The following NOSTRIN variants were observed in gnomAD, a reference collection of about 807,000 sequenced individuals.
The protein encoded by NOSTRIN is BM247 homolog.
Under a neutral mutation model 59.0 loss-of-function variants are expected in NOSTRIN, and 63 were observed. The observed-to-expected ratio is 1.07, with a 90% CI of 0.87 to 1.32. The LOEUF is 1.32. Among genes scored for constraint, NOSTRIN ranks in the 40% most tolerant of loss-of-function variants. NOSTRIN has a pLI of 0.00. For synonymous variants in NOSTRIN, 200 were observed against 165.4 expected (o/e 1.21, Z -1.61); for missense variants, 512 against 473.1 (o/e 1.08, Z -0.76).
At chr2:168,829,601 A>G (rs1457411864) in intron 5 of NOSTRIN, among the ~76,000 whole-genome samples, 1 of 152,232 alleles carries the variant, frequency 6.6e-6, no homozygotes, top group African/African-American at 2.4e-5. Flanking sequence ...GATTACAGGC[A>G]TGAGCCACTG....
At position 168,802,793 on chromosome 2, in the gene NOSTRIN, T is replaced by C. The variant is rs994981944; in HGVS notation, c.27+120T>C. ...CTCAGAAACCAAACACATTTAGATA[T>C]TGGCTGTGGTGCAAAAGTTTGTGGT... On this transcript the variant is annotated intron_variant, in intron 1 of 15. Coordinates refer to ENST00000317647, the MANE Select transcript of NOSTRIN (RefSeq NM_001039724.4). 14 of 772,530 alleles carry C rather than the reference T, an allele frequency of 1.8e-5. No individual in the cohort carries two copies. In the Admixed American group the frequency reaches 2.3e-4, roughly 12 times the overall value. 47.9% of individuals were successfully genotyped at this position (772,530 alleles called of 1,614,324 possible).
chr2:168,793,908 A>G (rs1685418769), upstream of NOSTRIN, among the ~76,000 whole-genome samples: 1 of 152,238 alleles, frequency 6.6e-6, no homozygotes, highest in South Asian at 2.1e-4. Context: ...AAGTGTGACT[A>G]TCTCTTACCA....
chr2:168,800,512 G>A (rs1006594928), upstream of NOSTRIN, among the ~76,000 whole-genome samples: 7 of 152,142 alleles, frequency 4.6e-5, no homozygotes, highest in Admixed American at 1.3e-4. Flanking sequence ...GAGCAAGATG[G>A]AAGGATTTTA....
At position 168,828,226 on chromosome 2, in the gene NOSTRIN, T is replaced by C. The variant is rs758034520; in HGVS notation, c.260+6T>C. The C allele has an allele frequency of 2.3e-6, 2 of 872,918 alleles. No homozygotes were observed. The highest frequency in any genetic ancestry group is 3.4e-5 in the Admixed American group (2 of 59,178). The allele number at this position is 872,918 out of a possible 1,614,324, so 54.1% of individuals were successfully genotyped here. A position where few individuals can be genotyped will look rare whatever the true frequency, so the allele number is the denominator to read the frequency against. ...TCCACAGCGGACCTGCATCAGTGAG[T>C]TCTCCCACCCTGGCCTTTCTCCAAC... On this transcript the variant is annotated splice_donor_region_variant and intron_variant, in intron 4 of 15. Coordinates refer to ENST00000317647, the MANE Select transcript of NOSTRIN (RefSeq NM_001039724.4).
chr2:168,862,479 C>T (rs769865034), intron 15 of NOSTRIN, among the ~76,000 whole-genome samples: 4 of 152,178 alleles, frequency 2.6e-5, no homozygotes, highest in Non-Finnish European at 4.4e-5. Context: ...AGATGTACCC[C>T]ACCTTTTTAT....
At chr2:168,850,313 A>G (rs1002838993) in intron 8 of NOSTRIN, among the ~76,000 whole-genome samples, 1 of 152,220 alleles carries the variant, frequency 6.6e-6, no homozygotes, top group Non-Finnish European at 1.5e-5. Context: ...AACTTCTGTC[A>G]TCTCACACAA....
rs368861114 is a variant in NOSTRIN, at chr2:168,864,853, C to T, written c.1404C>T (p.His468=). 36 of 1,613,604 alleles carry T rather than the reference C, an allele frequency of 2.2e-5. No homozygotes were observed. The highest frequency in any genetic ancestry group is 5.3e-5 in the African/African-American group (4 of 74,900). Residue 468 remains histidine (H), a synonymous_variant, in exon 16 of 16, where the codon CAC becomes CAT. Coordinates refer to ENST00000317647, the MANE Select transcript of NOSTRIN (RefSeq NM_001039724.4). ...NLEKGDIVII[H]EKKEGGWWFG... ...TCACAGGTGACATTGTGATTATACACGAGAAAAAAGAAGGAGGATGGTGGT... is the reference window on the plus strand; with the variant it reads ...TCACAGGTGACATTGTGATTATACATGAGAAAAAAGAAGGAGGATGGTGGT...
Position 168,865,149 on chromosome 2 carries a change from G to T in NOSTRIN, c.*179G>T. 2 of 672,362 alleles carry T rather than the reference G, an allele frequency of 3.0e-6. No homozygotes were observed. Among genetic ancestry groups the T allele is most frequent in the Non-Finnish European group, 4.9e-6 (2 of 410,846 alleles). The allele number at this position is 672,362 out of a possible 1,614,324, so 41.6% of individuals were successfully genotyped here. The stretch of plus-strand genomic sequence containing the variant: ...GCTTGAAACAGTCAGAAAAAAGATG[G>T]ATGGGTGGAGACAGACAAGGAAGAG... On this transcript the variant is annotated 3_prime_UTR_variant, in exon 16 of 16. Transcript: ENST00000317647.
At chr2:168,809,220 C>A (rs1686016035) in intron 1 of NOSTRIN, among the ~76,000 whole-genome samples, 1 of 152,162 alleles carries the variant, frequency 6.6e-6, no homozygotes, top group Non-Finnish European at 1.5e-5. Context: ...GGCTCTTTTT[C>A]TCTTTCCACT....
intron 7 of NOSTRIN, among the ~76,000 whole-genome samples, 188 bp downstream of exon 7, chr2:168,834,513 A>ACACACACG (rs1553527260): frequency 7.1e-6 from 1 of 141,672 alleles, no homozygotes; most frequent in African/African-American, 2.6e-5. Flanking sequence ...GCGCGCACAC[A>ACACACACG]CACACACACA....
chr2:168,839,661 C>T (rs1415702526), intron 7 of NOSTRIN, among the ~76,000 whole-genome samples: 2 of 151,948 alleles, frequency 1.3e-5, no homozygotes, highest in Admixed American at 6.5e-5. Context: ...GGCCTATAAT[C>T]CCAGCACTTC....
intron 4 of NOSTRIN, 70 bp downstream of exon 4, chr2:168,828,290 A>T: frequency 1.1e-6 from 1 of 871,316 alleles, no homozygotes; most frequent in Non-Finnish European, 2.0e-6. Flanking sequence ...GTTTGCTACA[A>T]ATATTCCACT....
upstream of NOSTRIN, among the ~76,000 whole-genome samples, chr2:168,797,079 CTTTT>C (rs775176252): frequency 0.045 from 3,347 of 74,928 alleles, 59 homozygotes; most frequent in African/African-American, 0.13. Context: ...TTTCTTTTTT[CTTTT>C]TTTTTTTTTT....
At chr2:168,824,107 C>A (rs1264072729) in intron 2 of NOSTRIN, among the ~76,000 whole-genome samples, 1 of 152,008 alleles carries the variant, frequency 6.6e-6, no homozygotes, top group Non-Finnish European at 1.5e-5. Flanking sequence ...AAAACAGAAA[C>A]CTCTGTCTTT....
intron 11 of NOSTRIN, 23 bp from the exon 12 acceptor site, chr2:168,856,667 T>G: frequency 1.2e-6 from 2 of 1,608,516 alleles, no homozygotes; most frequent in Non-Finnish European, 1.7e-6. Context: ...GAAAGGTGAC[T>G]GAGAACATGA....
chr2:168,805,973 T>C lies in NOSTRIN; in HGVS notation c.27+3300T>C, dbSNP rs915285941. Among the ~76,000 whole-genome samples the C allele has an allele frequency of 1.1e-4, 16 of 152,270 alleles. 1 individual carries two copies. The highest frequency in any genetic ancestry group is 3.9e-4 in the African/African-American group (16 of 41,554). ...CCACATTTCTTGGACCTCTGTTTCC[T>C]TGTGTGTAAAGTAAAAGGAGGAAAG... On this transcript the variant is annotated intron_variant, in intron 1 of 15. Transcript: ENST00000317647.
At chr2:168,831,578 A>G (rs752831161) in intron 6 of NOSTRIN, 44 bp downstream of exon 6, 2 of 826,312 alleles carry the variant, frequency 2.4e-6, no homozygotes, top group Admixed American at 1.7e-5. Flanking sequence ...AGTTTTTAGA[A>G]TTGAAGTGTT....
At chr2:168,849,538 T>TA (rs1688623259) in intron 8 of NOSTRIN, among the ~76,000 whole-genome samples, 1 of 151,912 alleles carries the variant, frequency 6.6e-6, no homozygotes, top group Admixed American at 6.6e-5. Context: ...GTATTTTTAG[T>TA]AGAGACGGGG....
intron 2 of NOSTRIN, among the ~76,000 whole-genome samples, chr2:168,788,501 C>T (rs1422953450): frequency 6.6e-6 from 1 of 151,964 alleles, no homozygotes; most frequent in African/African-American, 2.4e-5. Flanking sequence ...AAGAGGAATC[C>T]ACACAAGGTG....
Sources: gnomAD v4.1 joint callset for allele counts (sites outside exome capture counted in the v4.1 genomes callset) on GRCh38, gnomAD v4.1.1 for gene constraint, MANE v1.5 for transcripts, NCBI Gene and HGNC (gene_info 2026-07-23, HGNC 2026-07-21) for gene names.